Variants in KIAA1958 observed in about 807,000 individuals in gnomAD.
The protein encoded by KIAA1958 is uncharacterized protein KIAA1958.
Under a neutral mutation model 47.2 loss-of-function variants are expected in KIAA1958, and 14 were observed. The ratio of observed to expected loss-of-function variants is 0.30; its 90% CI spans 0.20 to 0.46. The LOEUF (loss-of-function observed/expected upper bound fraction) is 0.46. KIAA1958 is among the 20% of genes least tolerant of loss of function. The pLI is 1.00. For synonymous variants in KIAA1958, 354 were observed against 353.3 expected, an observed-to-expected ratio of 1.00 and a Z score of -0.02; for missense variants, 803 against 909.2, an observed-to-expected ratio of 0.88 and a Z score of 1.50.
chr9:112,614,116 G>A (rs1836372233), intron 2 of KIAA1958, among the ~76,000 whole-genome samples: 1 of 152,200 alleles, frequency 6.6e-6, no homozygotes, highest in Admixed American at 6.5e-5. Context: ...CAGTATGGAT[G>A]AAGTTCACAA....
At position 112,515,646 on chromosome 9, in the gene KIAA1958, C is replaced by G. The variant is rs1023714101; in HGVS notation, c.-25+28528C>G. Among the ~76,000 whole-genome samples the G allele has an allele frequency of 1.0e-4, 6 of 58,872 alleles. 1 individual carries two copies. The highest frequency in any genetic ancestry group is 4.0e-4 in the African/African-American group (6 of 15,096). 38.6% of individuals were successfully genotyped at this position (58,872 alleles called of 152,430 possible). ...CACTCAGGGTTAAATGGATTAAGGG[C>G]GGTGCAAGATGTGCTTTGTTAAACA... On this transcript the variant is annotated intron_variant, in intron 1 of 3. Coordinates refer to ENST00000337530, the MANE Select transcript of KIAA1958 (RefSeq NM_133465.4).
rs10567261 is a variant in KIAA1958 at position 112,563,027 on chromosome 9, GTC to G, written c.-24-11016_-24-11015del. Among the ~76,000 whole-genome samples, 1,144 of 139,138 alleles carry G rather than the reference GTC, an allele frequency of 8.2e-3. 14 individuals carry two copies. Among genetic ancestry groups the G allele is most frequent in the African/African-American group, 0.029 (1,084 of 37,242 alleles). The allele number at this position is 139,138 out of a possible 152,430, so 91.3% of individuals were successfully genotyped here. A position where few individuals can be genotyped will look rare whatever the true frequency, so the allele number is the denominator to read the frequency against. On this transcript the variant is annotated intron_variant, in intron 1 of 3. Transcript: ENST00000337530. ...TAATTCCCTTTCATCTTAACTTTCT[GTC>G]TCTCTCTCTCTCTTTCTCTCTCTCT...
chr9:112,565,556 C>G (rs183661153), intron 1 of KIAA1958, among the ~76,000 whole-genome samples: 31 of 152,354 alleles, frequency 2.0e-4, no homozygotes, highest in Non-Finnish European at 3.8e-4. Context: ...TAGAGATTAT[C>G]ATTGACTGCT....
intron 1 of KIAA1958, among the ~76,000 whole-genome samples, chr9:112,507,422 C>T (rs745441000): frequency 8.5e-5 from 13 of 152,200 alleles, no homozygotes; most frequent in Non-Finnish European, 1.5e-4. Flanking sequence ...GATCACTGCT[C>T]ACTGTAACCT....
intron 1 of KIAA1958, among the ~76,000 whole-genome samples, chr9:112,519,317 A>G (rs1260364315): frequency 6.6e-6 from 1 of 152,188 alleles, no homozygotes; most frequent in Non-Finnish European, 1.5e-5. Context: ...TCATACTTAT[A>G]TGAGCTTGAA....
chr9:112,536,204 G>A (rs1342175778), intron 1 of KIAA1958, among the ~76,000 whole-genome samples: 2 of 152,150 alleles, frequency 1.3e-5, no homozygotes, highest in African/African-American at 4.8e-5. Context: ...GGAAATTGTG[G>A]ATCTTTGGAT....
chr9:112,556,315 C>G (rs1214013312), intron 1 of KIAA1958, among the ~76,000 whole-genome samples: 1 of 152,176 alleles, frequency 6.6e-6, no homozygotes, highest in East Asian at 1.9e-4. Flanking sequence ...AGTCTGCTGC[C>G]TGCACACAGG....
chr9:112,560,204 TTTTC>T (rs1045819626), intron 1 of KIAA1958, among the ~76,000 whole-genome samples: 3 of 123,642 alleles, frequency 2.4e-5, no homozygotes, highest in Non-Finnish European at 3.4e-5. Flanking sequence ...TTTTCTTTTT[TTTTC>T]TTTTTTTGAA....
At chr9:112,645,573 T>C in intron 2 of KIAA1958, 77 bp from the exon 3 acceptor site, 1 of 981,164 alleles carries the variant, frequency 1.0e-6, no homozygotes, top group Non-Finnish European at 1.5e-6. Context: ...TTTTCTGTTA[T>C]TTATCATCCC....
At chr9:112,616,236 T>C (rs1396520137) in intron 2 of KIAA1958, among the ~76,000 whole-genome samples, 1 of 152,214 alleles carries the variant, frequency 6.6e-6, no homozygotes, top group Non-Finnish European at 1.5e-5. Flanking sequence ...AAGCTTACTT[T>C]TGTATATTTG....
intron 1 of KIAA1958, among the ~76,000 whole-genome samples, chr9:112,526,641 T>A (rs2132805282): frequency 6.6e-6 from 1 of 152,342 alleles, no homozygotes; most frequent in South Asian, 2.1e-4. Flanking sequence ...GTAAGGACCT[T>A]CTTGCTGTGT....
At position 112,617,894 on chromosome 9, in the gene KIAA1958, C is replaced by T. The variant is rs1296816483; in HGVS notation, c.1172-27756C>T. On this transcript the variant is annotated intron_variant, in intron 2 of 3. Transcript: ENST00000337530. Reference sequence around the variant, plus strand: ...AGACCAGGATGAAAGAGCAGCTGAGCTCAGCAGGGAGCAGAACGAGAAAAC... The same window carrying T: ...AGACCAGGATGAAAGAGCAGCTGAGTTCAGCAGGGAGCAGAACGAGAAAAC... 8 of 1,549,484 alleles carry T rather than the reference C, an allele frequency of 5.2e-6. No homozygotes were observed. The Admixed American group carries it at 1.6e-4, about 30-fold the overall frequency.
chr9:112,559,131 G>T (rs1173706737), intron 1 of KIAA1958, among the ~76,000 whole-genome samples: 1 of 152,206 alleles, frequency 6.6e-6, no homozygotes, highest in East Asian at 1.9e-4. Context: ...CAGCCCTGCA[G>T]GTTCTTCTAC....
chr9:112,614,776 G>A (rs548735879), intron 2 of KIAA1958, among the ~76,000 whole-genome samples: 1 of 152,216 alleles, frequency 6.6e-6, no homozygotes, highest in Admixed American at 6.5e-5. Context: ...CTTGGCTGAA[G>A]ATGAGTTGAA....
intron 1 of KIAA1958, among the ~76,000 whole-genome samples, chr9:112,491,518 G>A (rs567891895): frequency 6.7e-6 from 1 of 149,098 alleles, no homozygotes; most frequent in African/African-American, 2.5e-5. Context: ...AAAGTAATAT[G>A]TATGGAATGG....
At position 112,659,777 on chromosome 9, in the gene KIAA1958, A is replaced by T. The variant is rs1837240885; in HGVS notation, c.1859A>T (p.Glu620Val). The T allele has an allele frequency of 6.2e-7, 1 of 1,614,030 alleles. No individual in the cohort carries two copies. The highest frequency in any genetic ancestry group is 1.3e-5 in the African/African-American group (1 of 74,908). Residue 620 changes from glutamate to valine, a missense_variant, in exon 4 of 4, where the codon GAG becomes GTG. This residue lies in a region of KIAA1958 where 761 missense variants were observed against 829.3 expected (regional missense o/e 0.92). Coordinates refer to ENST00000337530, the MANE Select transcript of KIAA1958 (RefSeq NM_133465.4). ...TRVCHGKIYH[E>V]HSRGHKQCPY... ...GTGTGTCACGGGAAGATCTACCATG[A>T]GCATTCCCGGGGACACAAACAGTGC...
intron 1 of KIAA1958, among the ~76,000 whole-genome samples, chr9:112,502,152 C>G (rs144333541): frequency 1.3e-5 from 2 of 152,238 alleles, no homozygotes; most frequent in East Asian, 3.9e-4. Flanking sequence ...GGGAATATGA[C>G]ATCTTTGTTT....
chr9:112,531,026 C>A (rs899612474), intron 1 of KIAA1958, among the ~76,000 whole-genome samples: 27 of 152,084 alleles, frequency 1.8e-4, no homozygotes, highest in Non-Finnish European at 1.5e-4. Flanking sequence ...CATGTGATTG[C>A]GCAACAACAT....
Position 112,618,387 on chromosome 9 carries a change from C to T in KIAA1958, c.1172-27263C>T. The stretch of plus-strand genomic sequence containing the variant: ...GGGCATTGCACAGGCTTCCATGGAT[C>T]TACCTTAAAATGGGGTGATATCCGG... On this transcript the variant is annotated intron_variant, in intron 2 of 3. Transcript: ENST00000337530. This position sits in a 1 kb window ranked among gnomAD's most constrained non-coding sequence, Gnocchi z 7.1. 6.4e-7 allele frequency: 1 copy of T among 1,551,272 alleles called. No homozygotes were observed. The highest frequency in any genetic ancestry group is 8.7e-7 in the Non-Finnish European group (1 of 1,147,144).
Sources: allele counts gnomAD v4.1 joint callset (sites outside exome capture counted in the v4.1 genomes callset), GRCh38; gene constraint gnomAD v4.1.1; regional missense constraint gnomAD v4.1.1; non-coding constraint Gnocchi (gnomAD v3.1); transcripts MANE v1.5; gene names NCBI Gene and HGNC (gene_info 2026-07-23, HGNC 2026-07-21).